Variants in RABGAP1L observed in about 807,000 individuals in gnomAD.
RABGAP1L encodes RAB GTPase activating protein 1 like, also known as rab GTPase-activating protein 1-like.
In RABGAP1L, 63 loss-of-function variants were observed where a neutral mutation model predicts 137.7. The observed-to-expected ratio is 0.46, with a 90% CI of 0.37 to 0.56. The LOEUF is 0.56. RABGAP1L is among the 20% of genes least tolerant of loss of function. The probability of loss-of-function intolerance (pLI) is 0.00; values close to 1 mark genes in which losing one functional copy is unlikely to be tolerated. For missense variants in RABGAP1L, 1,095 were observed against 1,244.0 expected (o/e 0.88, Z 1.80); for synonymous variants, 431 against 433.7 (o/e 0.99, Z 0.08).
chr1:174,451,113 A>G (rs1037307253), intron 13 of RABGAP1L, among the ~76,000 whole-genome samples: 12 of 152,206 alleles, frequency 7.9e-5, no homozygotes, highest in African/African-American at 2.9e-4. Flanking sequence ...TGATTGTTTT[A>G]TACTTCTGTA....
chr1:174,820,754 C>T (rs1358276727), intron 19 of RABGAP1L, among the ~76,000 whole-genome samples: 1 of 152,044 alleles, frequency 6.6e-6, no homozygotes, highest in East Asian at 1.9e-4. Flanking sequence ...CCTGGGCTCG[C>T]CCCTGTAATC....
intron 13 of RABGAP1L, among the ~76,000 whole-genome samples, chr1:174,550,745 C>T (rs1214867779): frequency 1.3e-5 from 2 of 149,876 alleles, no homozygotes; most frequent in Non-Finnish European, 3.0e-5. Flanking sequence ...CCAAGCTGGG[C>T]GCGGTGGCTC....
intron 13 of RABGAP1L, among the ~76,000 whole-genome samples, chr1:174,432,229 C>A (rs1015628379): frequency 5.9e-5 from 9 of 152,132 alleles, no homozygotes; most frequent in Admixed American, 3.9e-4. Flanking sequence ...TCTATTCTTG[C>A]ATTAATTTGC....
intron 19 of RABGAP1L, among the ~76,000 whole-genome samples, chr1:174,942,500 A>G (rs545090213): frequency 6.6e-6 from 1 of 152,306 alleles, no homozygotes; most frequent in Admixed American, 6.5e-5. Flanking sequence ...AGGATATTAA[A>G]CCCAGACTGC....
chr1:174,477,925 A>G (rs1202226154), intron 13 of RABGAP1L, among the ~76,000 whole-genome samples: 2 of 152,178 alleles, frequency 1.3e-5, no homozygotes, highest in Non-Finnish European at 2.9e-5. Flanking sequence ...GGTATATTTT[A>G]TAAATAGGCT....
intron 13 of RABGAP1L, among the ~76,000 whole-genome samples, chr1:174,494,720 T>A (rs1215419405): frequency 2.0e-5 from 3 of 152,178 alleles, no homozygotes; most frequent in African/African-American, 7.2e-5. Context: ...CTTATACATA[T>A]TTGCTCCGAC....
intron 19 of RABGAP1L, among the ~76,000 whole-genome samples, chr1:174,930,236 G>T (rs1232173864): frequency 6.6e-6 from 1 of 151,834 alleles, no homozygotes; most frequent in Admixed American, 6.6e-5. Flanking sequence ...GACCAGACTG[G>T]CCTTGAACTC....
At chr1:174,873,848 A>G (rs1021620838) in intron 19 of RABGAP1L, among the ~76,000 whole-genome samples, 1 of 152,196 alleles carries the variant, frequency 6.6e-6, no homozygotes, top group Non-Finnish European at 1.5e-5. Flanking sequence ...TGACTGATGT[A>G]TAAAAAAATG....
intron 1 of RABGAP1L, among the ~76,000 whole-genome samples, chr1:174,202,593 T>C (rs1287523167): frequency 4.6e-5 from 7 of 152,096 alleles, no homozygotes; most frequent in Non-Finnish European, 7.4e-5. Flanking sequence ...TTCTCCCATT[T>C]TGTAGGTTGC....
chr1:174,770,834 G>GTTCAC (rs1255473639), intron 18 of RABGAP1L, among the ~76,000 whole-genome samples: 2 of 152,172 alleles, frequency 1.3e-5, no homozygotes, highest in African/African-American at 4.8e-5. Context: ...TGGTTAGTTA[G>GTTCAC]TTCACTTATT....
intron 13 of RABGAP1L, among the ~76,000 whole-genome samples, chr1:174,608,867 A>G (rs1399172864): frequency 6.6e-6 from 1 of 152,182 alleles, no homozygotes; most frequent in East Asian, 1.9e-4. Context: ...GACCTATTAA[A>G]AGATGGTAGT....
intron 18 of RABGAP1L, among the ~76,000 whole-genome samples, chr1:174,789,514 A>G (rs1449289751): frequency 1.3e-5 from 2 of 152,164 alleles, no homozygotes; most frequent in South Asian, 4.1e-4. Flanking sequence ...TTGTCATAAG[A>G]ATGTATAATA....
intron 22 of RABGAP1L, among the ~76,000 whole-genome samples, chr1:174,978,567 A>C (rs1426143272): frequency 6.6e-6 from 1 of 152,218 alleles, no homozygotes; most frequent in Non-Finnish European, 1.5e-5. Context: ...AGCATAAGCA[A>C]TTTTATAATG....
At chr1:174,321,460 G>A (rs777970680) in intron 11 of RABGAP1L, among the ~76,000 whole-genome samples, 2 of 152,042 alleles carry the variant, frequency 1.3e-5, no homozygotes, top group Non-Finnish European at 2.9e-5. Context: ...GGAAACTGCC[G>A]ACATGTGATG....
At chr1:174,491,935 A>G (rs1221436537) in intron 13 of RABGAP1L, among the ~76,000 whole-genome samples, 1 of 152,200 alleles carries the variant, frequency 6.6e-6, no homozygotes, top group African/African-American at 2.4e-5. Context: ...TCTTCTTGCC[A>G]TGCAGCCACT....
chr1:174,901,810 C>CTT (rs1472350475), intron 19 of RABGAP1L, among the ~76,000 whole-genome samples: 6 of 152,154 alleles, frequency 3.9e-5, no homozygotes, highest in Non-Finnish European at 7.4e-5. Flanking sequence ...TCTTTGTGGG[C>CTT]TTATCTACCT....
chr1:174,922,515 A>G (rs1015979624), intron 19 of RABGAP1L: 2 of 152,254 alleles, frequency 1.3e-5, no homozygotes, highest in Admixed American at 1.3e-4. Flanking sequence ...TTCCTTAGAC[A>G]GTGGCTCTCT....
intron 16 of RABGAP1L, 69 bp downstream of exon 16, chr1:174,699,719 G>A: frequency 5.7e-6 from 8 of 1,399,254 alleles, no homozygotes; most frequent in East Asian, 2.3e-5. Context: ...TAATAGAGTT[G>A]GTAAGCAATA....
chr1:174,286,002 T>G (rs902182977), intron 10 of RABGAP1L, among the ~76,000 whole-genome samples: 3 of 152,204 alleles, frequency 2.0e-5, no homozygotes, highest in Non-Finnish European at 2.9e-5. Context: ...TTGAGAACTT[T>G]TGCATCTGTG....
Sources: gnomAD v4.1 joint callset for allele counts (sites outside exome capture counted in the v4.1 genomes callset) on GRCh38, gnomAD v4.1.1 for gene constraint, MANE v1.5 for transcripts, NCBI Gene and HGNC (gene_info 2026-07-23, HGNC 2026-07-21) for gene names.